Variants in TMEM132D observed in about 807,000 individuals in gnomAD.
TMEM132D encodes mature OL transmembrane protein.
TMEM132D carries 21 observed loss-of-function variants against 62.3 expected under a neutral mutation model. That is an observed-to-expected ratio of 0.34 (90% CI 0.24 to 0.49). The LOEUF is 0.49. Among genes scored for constraint, TMEM132D ranks in the 20% least tolerant of loss-of-function variants. The pLI is 0.99. For synonymous variants in TMEM132D, 621 were observed against 575.6 expected, an observed-to-expected ratio of 1.08 and a Z score of -1.13; for missense variants, 1,346 against 1,402.8, an observed-to-expected ratio of 0.96 and a Z score of 0.65.
chr12:129,561,366 G>T (rs982670433), intron 2 of TMEM132D, among the ~76,000 whole-genome samples: 7 of 152,128 alleles, frequency 4.6e-5, no homozygotes, highest in Non-Finnish European at 1.0e-4. Flanking sequence ...TTTTCACTTG[G>T]CAACAGAGAC....
At chr12:129,672,195 C>T (rs982596125) in intron 2 of TMEM132D, among the ~76,000 whole-genome samples, 2 of 152,214 alleles carry the variant, frequency 1.3e-5, no homozygotes, top group African/African-American at 4.8e-5. Flanking sequence ...CCAGGCCTCC[C>T]GTTTTCATGG....
intron 3 of TMEM132D, among the ~76,000 whole-genome samples, chr12:129,458,993 G>A (rs1873570177): frequency 6.6e-6 from 1 of 152,188 alleles, no homozygotes; most frequent in Non-Finnish European, 1.5e-5. Flanking sequence ...CCTAAGGCTA[G>A]CTTTTGCTGA....
At chr12:129,136,724 C>T (rs1391294952) in intron 5 of TMEM132D, among the ~76,000 whole-genome samples, 1 of 151,782 alleles carries the variant, frequency 6.6e-6, no homozygotes, top group Admixed American at 6.6e-5. Flanking sequence ...TCATCCCCAT[C>T]ACCACCACCA....
chr12:129,834,677 C>T (rs930485408), intron 1 of TMEM132D, among the ~76,000 whole-genome samples: 35 of 152,268 alleles, frequency 2.3e-4, no homozygotes, highest in Admixed American at 2.2e-3. Flanking sequence ...GTGATGAAGG[C>T]ATCAGGCGGC....
At chr12:129,369,487 T>C (rs1870529145) in intron 3 of TMEM132D, among the ~76,000 whole-genome samples, 1 of 152,198 alleles carries the variant, frequency 6.6e-6, no homozygotes, top group Admixed American at 6.5e-5. Flanking sequence ...ACTACATTCA[T>C]CTTTGCTGGA....
At chr12:129,543,656 G>A (rs567947695) in intron 2 of TMEM132D, among the ~76,000 whole-genome samples, 138 of 152,236 alleles carry the variant, frequency 9.1e-4, no homozygotes, top group African/African-American at 3.0e-3. Flanking sequence ...ACAGAATGGT[G>A]CCATGGGTGG....
At chr12:129,820,815 G>C (rs1029212761) in intron 1 of TMEM132D, among the ~76,000 whole-genome samples, 2 of 152,240 alleles carry the variant, frequency 1.3e-5, no homozygotes, top group African/African-American at 4.8e-5. Context: ...CCTCAAACTC[G>C]TGGGCTCAAG....
intron 3 of TMEM132D, among the ~76,000 whole-genome samples, chr12:129,343,510 T>G (rs1172430968): frequency 1.3e-5 from 2 of 152,010 alleles, no homozygotes; most frequent in South Asian, 4.2e-4. Flanking sequence ...CACCAACATG[T>G]CACATGTATA....
At chr12:129,605,604 T>TATATATATATATATATATATATAG (rs150550863) in intron 2 of TMEM132D, among the ~76,000 whole-genome samples, 1 of 106,316 alleles carries the variant, frequency 9.4e-6, no homozygotes, top group Admixed American at 9.3e-5. Flanking sequence ...TATATATATA[T>TATATATATATATATATATATATAG]ACACACACAT....
At chr12:129,453,324 G>A (rs562403931) in intron 3 of TMEM132D, among the ~76,000 whole-genome samples, 1 of 152,282 alleles carries the variant, frequency 6.6e-6, no homozygotes, top group East Asian at 1.9e-4. Flanking sequence ...ATGGGCTACT[G>A]GCTTTTGCGC....
chr12:129,195,517 G>A (rs1166525821), intron 5 of TMEM132D, among the ~76,000 whole-genome samples: 1 of 151,984 alleles, frequency 6.6e-6, no homozygotes, highest in Admixed American at 6.6e-5. Context: ...TGGGGTGGGG[G>A]ACAAGATCAA....
At chr12:129,651,973 A>G (rs1450700583) in intron 2 of TMEM132D, among the ~76,000 whole-genome samples, 2 of 152,220 alleles carry the variant, frequency 1.3e-5, no homozygotes, top group African/African-American at 4.8e-5. Context: ...GACGCCTAGA[A>G]GGTAACCTTT....
In TMEM132D at chr12:129,812,526, G is replaced by C. The variant is rs184476752; in HGVS notation, c.79+90735C>G. ...CTCCAGAAGCTGTCTCCATTTCCTCGTTAGTCTTCAAAACTTTCCAATCTG... is the reference window on the plus strand; with the variant it reads ...CTCCAGAAGCTGTCTCCATTTCCTCCTTAGTCTTCAAAACTTTCCAATCTG... On this transcript the variant is annotated intron_variant, in intron 1 of 8. Coordinates refer to ENST00000422113, the MANE Select transcript of TMEM132D (RefSeq NM_133448.3). 1.4e-3 allele frequency among the ~76,000 whole-genome samples: 210 copies of C among 151,650 alleles called. 1 individual carries two copies. The highest frequency in any genetic ancestry group is 5.0e-3 in the African/African-American group (208 of 41,324).
intron 5 of TMEM132D, among the ~76,000 whole-genome samples, chr12:129,139,269 G>A (rs974093824): frequency 6.6e-6 from 1 of 152,180 alleles, no homozygotes; most frequent in Non-Finnish European, 1.5e-5. Flanking sequence ...TGACTTCAAA[G>A]AAAGTGTGTG....
intron 1 of TMEM132D, among the ~76,000 whole-genome samples, chr12:129,798,853 C>G (rs946914317): frequency 6.6e-6 from 1 of 152,218 alleles, no homozygotes; most frequent in Non-Finnish European, 1.5e-5. Context: ...GCAGAAGTTG[C>G]AAGCTGACAT....
intron 1 of TMEM132D, among the ~76,000 whole-genome samples, chr12:129,890,710 C>T (rs1874894824): frequency 6.6e-6 from 1 of 152,208 alleles, no homozygotes; most frequent in Non-Finnish European, 1.5e-5. Context: ...TTATCACTGT[C>T]CATGCCTCAT....
At chr12:129,117,683 G>T (rs1875936559) in intron 5 of TMEM132D, among the ~76,000 whole-genome samples, 1 of 152,154 alleles carries the variant, frequency 6.6e-6, no homozygotes, top group Non-Finnish European at 1.5e-5. Flanking sequence ...AAGACCATTT[G>T]GCTCTGAAAT....
chr12:129,874,888 C>T (rs1309988922), intron 1 of TMEM132D, among the ~76,000 whole-genome samples: 6 of 152,086 alleles, frequency 3.9e-5, no homozygotes, highest in Admixed American at 6.5e-5. Context: ...TTAGTAGAGA[C>T]GGGGTCTAGA....
At chr12:129,735,143 T>C (rs1869383989) in intron 1 of TMEM132D, among the ~76,000 whole-genome samples, 2 of 152,246 alleles carry the variant, frequency 1.3e-5, no homozygotes, top group African/African-American at 4.8e-5. Flanking sequence ...CACCTCTTAA[T>C]TACAGAGCAA....
Sources: allele counts gnomAD v4.1 joint callset (sites outside exome capture counted in the v4.1 genomes callset), GRCh38; gene constraint gnomAD v4.1.1; transcripts MANE v1.5; gene names NCBI Gene and HGNC (gene_info 2026-07-23, HGNC 2026-07-21).